The following COL7A1 variants were observed in gnomAD, a reference collection of about 807,000 sequenced individuals.
COL7A1 encodes collagen alpha-1(VII) chain.
In COL7A1, 296 loss-of-function variants were observed where a neutral mutation model predicts 456.2. The observed-to-expected ratio is 0.65, with a 90% CI of 0.59 to 0.71. COL7A1 has a LOEUF of 0.71. Ranked by LOEUF, COL7A1 falls within the 30% of genes least tolerant of loss-of-function variation. COL7A1 has a pLI of 0.00. For missense variants in COL7A1, 3,441 were observed against 4,017.2 expected (o/e 0.86, Z 3.88); for synonymous variants, 1,464 against 1,525.9 (o/e 0.96, Z 0.95).
Position 48,573,120 on chromosome 3 carries a change from G to A in COL7A1, c.6714+54C>T. The A allele has an allele frequency of 1.2e-6, 2 of 1,614,032 alleles. No individual in the cohort carries two copies. The highest frequency in any genetic ancestry group is 1.3e-5 in the African/African-American group (1 of 75,032). On this transcript the variant is annotated intron_variant, in intron 85 of 118. Coordinates refer to ENST00000681320, the MANE Select transcript of COL7A1 (RefSeq NM_000094.4). This position sits in a 1 kb window ranked among gnomAD's most constrained non-coding sequence, Gnocchi z 5.5. Reference sequence around the variant, plus strand: ...CACAGGACGACATGAGAGAACATGGGCCCCAAGGAGTGAAAACACGGTGTC... The same window carrying A: ...CACAGGACGACATGAGAGAACATGGACCCCAAGGAGTGAAAACACGGTGTC...
Position 48,570,400 on chromosome 3 carries a change from G to A in COL7A1, c.7380+65C>T, listed in dbSNP as rs2043833775. 4 of 1,613,734 alleles carry A rather than the reference G, an allele frequency of 2.5e-6. No individual in the cohort carries two copies. The highest frequency in any genetic ancestry group is 1.7e-5 in the Admixed American group (1 of 60,004). ...AGTGGGGGACGCAGGGTCATGGGAGGTCAGTGGAGGCTGAAGGGGGTGACC... is the reference window on the plus strand; with the variant it reads ...AGTGGGGGACGCAGGGTCATGGGAGATCAGTGGAGGCTGAAGGGGGTGACC... On this transcript the variant is annotated intron_variant, in intron 97 of 118. Transcript: ENST00000681320. This position sits in a 1 kb window ranked among gnomAD's most constrained non-coding sequence, Gnocchi z 5.5.
chr3:48,585,529 GA>G lies in COL7A1; in HGVS notation c.3894+27del, dbSNP rs2045177289. The G allele has an allele frequency of 1.2e-6, 2 of 1,612,188 alleles. No individual in the cohort carries two copies. Among genetic ancestry groups the G allele is most frequent in the South Asian group, 2.2e-5 (2 of 91,046 alleles). On this transcript the variant is annotated intron_variant, in intron 32 of 118. Transcript: ENST00000681320. This position sits in a 1 kb window ranked among gnomAD's most constrained non-coding sequence, Gnocchi z 4.5. ...CGAGACAGCTTTGAGGAGTGCCTCA[GA>G]GAAACCTCGATGGTCTCCACACTCA...
intron 37 of COL7A1, 22 bp from the exon 38 acceptor site, chr3:48,584,083 C>T (rs750832231): frequency 1.2e-6 from 2 of 1,614,198 alleles, no homozygotes; most frequent in South Asian, 1.1e-5. Context: ...ATGACGACCC[C>T]ATGACCCTGG....
At position 48,594,538 on chromosome 3, in the gene COL7A1, C is replaced by T. The variant is rs373757759; in HGVS notation, c.96G>A (p.Thr32=). 18 of 1,600,778 alleles carry T rather than the reference C, an allele frequency of 1.1e-5. No homozygotes were observed. Among genetic ancestry groups the T allele is most frequent in the Admixed American group, 6.9e-5 (4 of 58,040 alleles). ...ACACAATGTCAGCGGCGTAAAGGCG[C>T]GTGCAGGTCACTGGGGCGGGCAGGA... ...RAQHRERVTC[T]RLYAADIVFL... The change falls in exon 3 of 119, where the codon ACG becomes ACA. Residue 32 remains threonine, a synonymous_variant. Transcript: ENST00000681320. This position sits in a 1 kb window ranked among gnomAD's most constrained non-coding sequence, Gnocchi z 5.5.
chr3:48,575,850 G>C lies in COL7A1; in HGVS notation c.5856+17C>G. 1 of 1,614,064 alleles carries C rather than the reference G, an allele frequency of 6.2e-7. No individual in the cohort carries two copies. Reference sequence around the variant, plus strand: ...GGGCCCCCACTTGTCCCTACCCCCAGCCCCTAAACAACCCACCTTGATGCC... The same window carrying C: ...GGGCCCCCACTTGTCCCTACCCCCACCCCCTAAACAACCCACCTTGATGCC... On this transcript the variant is annotated intron_variant, in intron 72 of 118. Coordinates refer to ENST00000681320, the MANE Select transcript of COL7A1 (RefSeq NM_000094.4). This position sits in a 1 kb window ranked among gnomAD's most constrained non-coding sequence, Gnocchi z 6.3.
At position 48,565,049 on chromosome 3, in the gene COL7A1, C is replaced by G. The variant is rs1308419769; in HGVS notation, c.8620+60G>C. ...GAGGGTTGAAAGGTCAGGGGGAGGT[C>G]AGCAGGGCTCAGCCCTGCCTGCCCC... On this transcript the variant is annotated intron_variant, in intron 117 of 118. Transcript: ENST00000681320. The surrounding 1 kb of genome is among the most constrained non-coding windows in gnomAD (Gnocchi z 4.5). 1 of 1,608,458 alleles carries G rather than the reference C, an allele frequency of 6.2e-7. No individual in the cohort carries two copies. The highest frequency in any genetic ancestry group is 2.2e-5 in the East Asian group (1 of 44,652).
rs1382366305 is a variant in COL7A1, at chr3:48,580,376, G to C, written c.5053-32C>G. 1.2e-6 allele frequency: 2 copies of C among 1,604,042 alleles called. No homozygotes were observed. Among genetic ancestry groups the C allele is most frequent in the Admixed American group, 3.4e-5 (2 of 59,046 alleles). On this transcript the variant is annotated intron_variant, in intron 55 of 118. Coordinates refer to ENST00000681320, the MANE Select transcript of COL7A1 (RefSeq NM_000094.4). The surrounding 1 kb of genome is among the most constrained non-coding windows in gnomAD (Gnocchi z 4.5). ...AAAGGCAGGGGTCAGGGCCACTCAA[G>C]GTAGGCAGCAGTTTGGGAGAGCTTT... is the stretch of plus-strand genomic sequence containing the variant.
In COL7A1 at chr3:48,591,767, C is replaced by T. The variant is rs771865012; in HGVS notation, c.1413G>A (p.Leu471=). The T allele has an allele frequency of 6.2e-7, 1 of 1,614,192 alleles. No individual in the cohort carries two copies. The highest frequency in any genetic ancestry group is 1.1e-5 in the South Asian group (1 of 91,088). ...VLPSDVTRYQ[L]DGLQPGTEYR... is the part of the protein sequence containing the mutation. ...ACTCAGTGCCCGGCTGCAGCCCATC[C>T]AACTGGTAGCGGGTCACATCAGAGG... The change falls in exon 12 of 119, where the codon TTG becomes TTA. Residue 471 remains leucine, a synonymous_variant. Transcript: ENST00000681320. This position sits in a 1 kb window ranked among gnomAD's most constrained non-coding sequence, Gnocchi z 7.0.
In COL7A1 at chr3:48,573,635, A is replaced by T. The variant is rs2044083508; in HGVS notation, c.6573+55T>A. The T allele has an allele frequency of 6.2e-7, 1 of 1,613,152 alleles. No homozygotes were observed. Among genetic ancestry groups the T allele is most frequent in the South Asian group, 1.1e-5 (1 of 91,008 alleles). ...AGGCCTGGCTCATCAGCTGTGGCCA[A>T]TGCCTATCCCAGCCCTTCCAGACCC... On this transcript the variant is annotated intron_variant, in intron 82 of 118. Coordinates refer to ENST00000681320, the MANE Select transcript of COL7A1 (RefSeq NM_000094.4). This position sits in a 1 kb window ranked among gnomAD's most constrained non-coding sequence, Gnocchi z 5.5.
In COL7A1 at chr3:48,594,452, A is replaced by G; in HGVS notation, c.182T>C (p.Leu61Pro). The change falls in exon 3 of 119, where the codon CTC (leucine) becomes CCC (proline). Residue 61 changes from leucine (L) to proline (P), a missense_variant. Leu to Pro is a moderately conservative substitution (Grantham distance 98). This residue lies in a region of COL7A1 where 913 missense variants were observed against 1,088.2 expected (regional missense o/e 0.84). Coordinates refer to ENST00000681320, the MANE Select transcript of COL7A1 (RefSeq NM_000094.4). This position sits in a 1 kb window ranked among gnomAD's most constrained non-coding sequence, Gnocchi z 5.5. ...AGAGAAAGGCAGCACCAGCCCTTCG[A>G]GAAAGCTGCGGACCTCGCGGAAATT... ...RSNFREVRSF[L>P]EGLVLPFSGA... 6.2e-7 allele frequency: 1 copy of G among 1,612,290 alleles called. No individual in the cohort carries two copies. The highest frequency in any genetic ancestry group is 8.5e-7 in the Non-Finnish European group (1 of 1,180,024).
Position 48,575,284 on chromosome 3 carries a change from T to TTGGC in COL7A1, c.6181-43_6181-42insGCCA. ...GGGTGAGGGCCAAGCCCATGGGGGG[T>TTGGC]CCCACCCCTCCCAACCCCTCTTCCC... On this transcript the variant is annotated intron_variant, in intron 74 of 118. Coordinates refer to ENST00000681320, the MANE Select transcript of COL7A1 (RefSeq NM_000094.4). This position sits in a 1 kb window ranked among gnomAD's most constrained non-coding sequence, Gnocchi z 6.3. The TTGGC allele has an allele frequency of 1.3e-6, 2 of 1,533,480 alleles. No individual in the cohort carries two copies. Among genetic ancestry groups the TTGGC allele is most frequent in the Non-Finnish European group, 1.8e-6 (2 of 1,110,830 alleles). The allele number at this position is 1,533,480 out of a possible 1,614,324, so 95.0% of individuals were successfully genotyped here.
In COL7A1 at chr3:48,569,553, C is replaced by T; in HGVS notation, c.7614+39G>A. 1 of 1,613,514 alleles carries T rather than the reference C, an allele frequency of 6.2e-7. No homozygotes were observed. Among genetic ancestry groups the T allele is most frequent in the Non-Finnish European group, 8.5e-7 (1 of 1,179,630 alleles). ...GGCCAGCCCCACGGGGTCCCTCTCG[C>T]ACCCAGGGGAGACCCAGTCCACACG... On this transcript the variant is annotated intron_variant, in intron 102 of 118. Transcript: ENST00000681320. The surrounding 1 kb of genome is among the most constrained non-coding windows in gnomAD (Gnocchi z 4.9).
Position 48,566,622 on chromosome 3 carries a change from C to T in COL7A1, c.8304+38G>A, listed in dbSNP as rs372655141. 9 of 1,614,150 alleles carry T rather than the reference C, an allele frequency of 5.6e-6. No individual in the cohort carries two copies. The highest frequency in any genetic ancestry group is 7.6e-6 in the Non-Finnish European group (9 of 1,180,002). On this transcript the variant is annotated intron_variant, in intron 112 of 118. Coordinates refer to ENST00000681320, the MANE Select transcript of COL7A1 (RefSeq NM_000094.4). This position sits in a 1 kb window ranked among gnomAD's most constrained non-coding sequence, Gnocchi z 5.9. ...CTGACCTCAGGGACAACAGAAGTCA[C>T]CCCGATCTCTGACCCAAGCCTTGGA...
chr3:48,570,958 C>T lies in COL7A1; in HGVS notation c.7175G>A (p.Gly2392Asp). 6.2e-7 allele frequency: 1 copy of T among 1,613,464 alleles called. No homozygotes were observed. Among genetic ancestry groups the T allele is most frequent in the Non-Finnish European group, 8.5e-7 (1 of 1,179,770 alleles). The change falls in exon 95 of 119, where the codon GGC becomes GAC. Residue 2392 changes from glycine to aspartate, a missense_variant. Physicochemically the swap from Gly to Asp is moderately conservative, Grantham distance 94. Around this residue, in one of 3 missense-constraint regions of COL7A1, gnomAD observed 2,084 missense variants for 2,501.3 expected, o/e 0.83. Coordinates refer to ENST00000681320, the MANE Select transcript of COL7A1 (RefSeq NM_000094.4). The surrounding 1 kb of genome is among the most constrained non-coding windows in gnomAD (Gnocchi z 5.5). ...PGPPGVKGDL[G>D]LPGLPGAPGV... ...AGGAGCACCGGGCAGGCCAGGGAGG[C>T]CCAGATCTCCCTGAAATAAAAACAG...
rs767174168 is a variant in COL7A1, at chr3:48,592,402, G to T, written c.1042C>A (p.Arg348=). 1.2e-6 allele frequency: 2 copies of T among 1,613,784 alleles called. No individual in the cohort carries two copies. Among genetic ancestry groups the T allele is most frequent in the Non-Finnish European group, 8.5e-7 (1 of 1,180,030 alleles). The change falls in exon 9 of 119, where the codon CGG becomes AGG. Residue 348 remains arginine (R), a synonymous_variant. Transcript: ENST00000681320. This position sits in a 1 kb window ranked among gnomAD's most constrained non-coding sequence, Gnocchi z 7.6. Reference sequence around the variant, plus strand: ...TAGCCAGTGGCACCTGGCACACTCCGCCAGGCCACCAGGAGGCTGTGGGCT... The same window carrying T: ...TAGCCAGTGGCACCTGGCACACTCCTCCAGGCCACCAGGAGGCTGTGGGCT... The part of the protein sequence containing the change: ...TTAHSLLVAW[R]SVPGATGYRV...
In COL7A1 at chr3:48,591,865, C is replaced by A. The variant is rs780452666; in HGVS notation, c.1357+33G>T. 3 of 1,614,086 alleles carry A rather than the reference C, an allele frequency of 1.9e-6. No homozygotes were observed. In the African/African-American group the frequency reaches 4.0e-5, roughly 22 times the overall value. ...CAGACCAGCAGAGGCCATGCCCTGA[C>A]CCTTGCCTGTCCATCCCTTCCCCCG... is the stretch of plus-strand genomic sequence containing the variant. On this transcript the variant is annotated intron_variant, in intron 11 of 118. Coordinates refer to ENST00000681320, the MANE Select transcript of COL7A1 (RefSeq NM_000094.4). The surrounding 1 kb of genome is among the most constrained non-coding windows in gnomAD (Gnocchi z 7.0).
rs562465277 is a variant in COL7A1 at position 48,571,900 on chromosome 3, A to G, written c.7068+101T>C. The G allele has an allele frequency of 7.0e-7, 1 of 1,423,368 alleles. No individual in the cohort carries two copies. The highest frequency in any genetic ancestry group is 9.7e-7 in the Non-Finnish European group (1 of 1,028,894). 88.2% of individuals were successfully genotyped at this position (1,423,368 alleles called of 1,614,324 possible). On this transcript the variant is annotated intron_variant, in intron 92 of 118. Coordinates refer to ENST00000681320, the MANE Select transcript of COL7A1 (RefSeq NM_000094.4). This position sits in a 1 kb window ranked among gnomAD's most constrained non-coding sequence, Gnocchi z 4.6. ...CCTGGATGTTGGGACATGCAGCCCGACTCAGGGGCTCAGACATGTGCCCCG... is the reference window on the plus strand; with the variant it reads ...CCTGGATGTTGGGACATGCAGCCCGGCTCAGGGGCTCAGACATGTGCCCCG...
At chr3:48,576,335 G>C in intron 70 of COL7A1, 39 bp from the exon 71 acceptor site, 2 of 1,613,966 alleles carry the variant, frequency 1.2e-6, no homozygotes, top group Non-Finnish European at 8.5e-7. Context: ...ACCAGCCTAT[G>C]GGTGTGCATG....
rs1327562243 is a variant in COL7A1 at position 48,572,002 on chromosome 3, T to A, written c.7067A>T (p.Asp2356Val). 14 of 1,612,568 alleles carry A rather than the reference T, an allele frequency of 8.7e-6. No homozygotes were observed. The South Asian group carries it at 1.3e-4, about 15-fold the overall frequency. The change falls in exon 92 of 119, where the codon GAT (aspartate) becomes GTT (valine). Residue 2356 changes from aspartate to valine, a missense_variant and splice_region_variant. By Grantham distance (152) the Asp-to-Val change is radical (BLOSUM62 -3). Around this residue, in one of 3 missense-constraint regions of COL7A1, gnomAD observed 2,084 missense variants for 2,501.3 expected, o/e 0.83. Transcript: ENST00000681320. This position sits in a 1 kb window ranked among gnomAD's most constrained non-coding sequence, Gnocchi z 4.6. The part of the protein sequence containing the change: ...RAGEPGDPGE[D>V]GQKGAPGPKG... ...CCCTTGCCTAGGCCCCGGACTCACA[T>A]CTTCCCCAGGGTCTCCGGGCTCCCC...
Sources: gnomAD v4.1 joint callset for allele counts on GRCh38, gnomAD v4.1.1 for gene constraint, gnomAD v4.1.1 regional missense constraint, Gnocchi (gnomAD v3.1) non-coding constraint, MANE v1.5 for transcripts, NCBI Gene and HGNC (gene_info 2026-07-23, HGNC 2026-07-21) for gene names.